SERINC5: variants seen among roughly 807,000 people sequenced by gnomAD.
The protein encoded by SERINC5 is chromosome 5 open reading frame 12.
Under a neutral mutation model 63.1 loss-of-function variants are expected in SERINC5, and 41 were observed. The ratio of observed to expected loss-of-function variants is 0.65; its 90% CI spans 0.51 to 0.84. The LOEUF (loss-of-function observed/expected upper bound fraction) is 0.84, where lower values mean the gene tolerates loss of function less well. Among genes scored for constraint, SERINC5 ranks in the 40% least tolerant of loss-of-function variants. The pLI is 0.00. For synonymous variants in SERINC5, 222 were observed against 215.2 expected, an observed-to-expected ratio of 1.03 and a Z score of -0.28; for missense variants, 523 against 573.0, an observed-to-expected ratio of 0.91 and a Z score of 0.89.
rs141943929 is a variant in SERINC5 at position 80,189,333 on chromosome 5, T to G, written c.196-11269A>C. ...CCCCGGCAAGGTCAACATGTCAATC[T>G]TCCAGATTCCTGAGGGCCTTTGTAA... is the stretch of plus-strand genomic sequence containing the variant. On this transcript the variant is annotated intron_variant, in intron 2 of 11. Transcript: ENST00000507668. 3.0e-3 allele frequency among the ~76,000 whole-genome samples: 462 copies of G among 152,258 alleles called. 2 individuals carry two copies. The highest frequency in any genetic ancestry group is 0.011 in the African/African-American group (457 of 41,556).
intron 9 of SERINC5, among the ~76,000 whole-genome samples, chr5:80,147,496 G>C (rs1470975045): frequency 6.6e-6 from 1 of 152,200 alleles, no homozygotes; most frequent in African/African-American, 2.4e-5. Context: ...GCTCGCTCCT[G>C]CTACCATGAA....
Position 80,141,490 on chromosome 5 carries a change from C to G in SERINC5, c.*2173G>C, listed in dbSNP as rs1363960132. 6.1e-6 allele frequency: 6 copies of G among 985,376 alleles called. No individual in the cohort carries two copies. In the South Asian group the frequency reaches 2.8e-4, roughly 46 times the overall value. 61.0% of individuals were successfully genotyped at this position (985,376 alleles called of 1,614,324 possible). The stretch of plus-strand genomic sequence containing the variant: ...TTTCTCAAATCACACCAGCTGGCAG[C>G]CAGACCCAGCCGAGAGGACAAAGCA... On this transcript the variant is annotated 3_prime_UTR_variant, in exon 12 of 12. Coordinates refer to ENST00000507668, the MANE Select transcript of SERINC5 (RefSeq NM_001174072.3).
intron 1 of SERINC5, among the ~76,000 whole-genome samples, chr5:80,226,654 G>C (rs953889164): frequency 1.3e-5 from 2 of 152,152 alleles, no homozygotes; most frequent in African/African-American, 4.8e-5. Context: ...ACACAGCACA[G>C]CCTTGGGCAT....
intron 1 of SERINC5, among the ~76,000 whole-genome samples, chr5:80,253,643 G>A (rs1752522296): frequency 6.6e-6 from 1 of 152,046 alleles, no homozygotes; most frequent in Non-Finnish European, 1.5e-5. Context: ...AGACTCCCTT[G>A]CCTCTCCTCA....
chr5:80,241,572 A>G (rs1232337862), intron 1 of SERINC5, among the ~76,000 whole-genome samples: 1 of 152,090 alleles, frequency 6.6e-6, no homozygotes, highest in African/African-American at 2.4e-5. Context: ...AGAAGAGGAA[A>G]TGAGCCAGGT....
chr5:80,241,071 T>C (rs1396936052), intron 1 of SERINC5, among the ~76,000 whole-genome samples: 1 of 152,220 alleles, frequency 6.6e-6, no homozygotes, highest in Non-Finnish European at 1.5e-5. Flanking sequence ...TCTAGTAAAT[T>C]GATCTGCCTA....
intron 1 of SERINC5, among the ~76,000 whole-genome samples, chr5:80,216,449 A>C (rs16877607): frequency 0.048 from 7,311 of 152,266 alleles, 349 homozygotes; most frequent in African/African-American, 0.12. Flanking sequence ...GCATGCTGGC[A>C]ACTTATGTGT....
At chr5:80,132,215 A>G (rs1744974849) in intron 11 of SERINC5, among the ~76,000 whole-genome samples, 1 of 152,058 alleles carries the variant, frequency 6.6e-6, no homozygotes, top group East Asian at 1.9e-4. Flanking sequence ...CTGATGACAA[A>G]AGAGACAAAT....
At chr5:80,127,314 G>A (rs73125914) in intron 11 of SERINC5, among the ~76,000 whole-genome samples, 3,059 of 152,244 alleles carry the variant, frequency 0.02, 97 homozygotes, top group African/African-American at 0.07. Context: ...GTGCCACTTC[G>A]AAGCAGAAGC....
intron 11 of SERINC5, among the ~76,000 whole-genome samples, chr5:80,129,988 G>T (rs963119580): frequency 6.6e-6 from 1 of 152,202 alleles, no homozygotes; most frequent in Admixed American, 6.5e-5. Flanking sequence ...ATCACCATTT[G>T]ATAAGTGAAA....
chr5:80,218,234 G>A (rs1750753408), intron 1 of SERINC5, among the ~76,000 whole-genome samples: 1 of 152,158 alleles, frequency 6.6e-6, no homozygotes, highest in Admixed American at 6.5e-5. Flanking sequence ...ATTAACCCTG[G>A]GGTGGCCACA....
At chr5:80,131,957 G>A (rs1464483163) in intron 11 of SERINC5, among the ~76,000 whole-genome samples, 2 of 151,994 alleles carry the variant, frequency 1.3e-5, no homozygotes, top group Non-Finnish European at 2.9e-5. Flanking sequence ...CGCTTGAAAT[G>A]CTCCTTCTTG....
chr5:80,252,180 G>C lies in SERINC5; in HGVS notation c.27+3716C>G, dbSNP rs1452475969. ...AAGTTCAAGTGATTCTGGTGCCTCAGCCTCCCAAGTAGCTGGGAATACAGG... is the reference window on the plus strand; with the variant it reads ...AAGTTCAAGTGATTCTGGTGCCTCACCCTCCCAAGTAGCTGGGAATACAGG... On this transcript the variant is annotated intron_variant, in intron 1 of 11. Coordinates refer to ENST00000507668, the MANE Select transcript of SERINC5 (RefSeq NM_001174072.3). Among the ~76,000 whole-genome samples the C allele has an allele frequency of 2.7e-5, 4 of 149,450 alleles. No individual in the cohort carries two copies. In the South Asian group the frequency reaches 8.5e-4, roughly 32 times the overall value.
intron 9 of SERINC5, 67 bp from the exon 10 acceptor site, chr5:80,147,351 A>ATGTT (rs1745888422): frequency 6.6e-7 from 1 of 1,507,410 alleles, no homozygotes; most frequent in Admixed American, 1.9e-5. Context: ...GCAAGACAAC[A>ATGTT]GTAACCCTTA....
At chr5:80,156,696 G>A (rs1398300888) in intron 8 of SERINC5, among the ~76,000 whole-genome samples, 1 of 152,024 alleles carries the variant, frequency 6.6e-6, no homozygotes, top group African/African-American at 2.4e-5. Context: ...TATCAACTTT[G>A]AAAATTGACA....
Position 80,169,388 on chromosome 5 carries a change from C to T in SERINC5, c.710G>A (p.Gly237Glu). 6.2e-7 allele frequency: 1 copy of T among 1,614,008 alleles called. No individual in the cohort carries two copies. The change falls in exon 6 of 12, where the codon GGA becomes GAA. Residue 237 changes from glycine (G) to glutamate (E), a missense_variant. Transcript: ENST00000507668. ...MENKILLGVNGGLCLLISLVA... is the reference protein window; with the variant it reads ...MENKILLGVNEGLCLLISLVA... ...CAATGATATAAGCAGGCACAGGCCTCCATTTACTCCCAGCAGAATTTTGTT... is the reference window on the plus strand; with the variant it reads ...CAATGATATAAGCAGGCACAGGCCTTCATTTACTCCCAGCAGAATTTTGTT...
At chr5:80,135,453 C>A (rs1745127448), downstream of SERINC5, among the ~76,000 whole-genome samples, 1 of 152,050 alleles carries the variant, frequency 6.6e-6, no homozygotes, top group Admixed American at 6.5e-5. Context: ...GTGCAGGGAC[C>A]CAAGAACTAA....
chr5:80,128,174 A>G (rs1744815302), intron 11 of SERINC5, among the ~76,000 whole-genome samples: 2 of 152,308 alleles, frequency 1.3e-5, no homozygotes, highest in South Asian at 4.1e-4. Flanking sequence ...TTGTCTTCCA[A>G]GGGTCTTTGA....
At position 80,139,042 on chromosome 5, in the gene SERINC5, A is replaced by T; in HGVS notation, c.*4621T>A. On this transcript the variant is annotated 3_prime_UTR_variant, in exon 12 of 12. Coordinates refer to ENST00000507668, the MANE Select transcript of SERINC5 (RefSeq NM_001174072.3). ...GACTAAAGGGGGAAAATAACTTTCA[A>T]AAGTTACCAAAATTCGAATCATATC... is the stretch of plus-strand genomic sequence containing the variant. 1.0e-6 allele frequency: 1 copy of T among 983,602 alleles called. No homozygotes were observed. Among genetic ancestry groups the T allele is most frequent in the African/African-American group, 1.7e-5 (1 of 57,344 alleles). 60.9% of individuals were successfully genotyped at this position (983,602 alleles called of 1,614,324 possible). A position where few individuals can be genotyped will look rare whatever the true frequency, so the allele number is the denominator to read the frequency against.
Sources: allele counts gnomAD v4.1 joint callset (sites outside exome capture counted in the v4.1 genomes callset), GRCh38; gene constraint gnomAD v4.1.1; transcripts MANE v1.5; gene names NCBI Gene and HGNC (gene_info 2026-07-23, HGNC 2026-07-21).